The following CADM2 variants were observed in gnomAD, a reference collection of about 807,000 sequenced individuals.
CADM2 encodes the protein cell adhesion molecule 2.
In CADM2, 12 loss-of-function variants were observed where a neutral mutation model predicts 49.8. That is an observed-to-expected ratio of 0.24 (90% confidence interval 0.15 to 0.39). The LOEUF is 0.39. Among genes scored for constraint, CADM2 ranks in the 10% least tolerant of loss-of-function variants. CADM2 has a pLI of 1.00. For synonymous variants in CADM2, 214 were observed against 175.4 expected, an observed-to-expected ratio of 1.22 and a Z score of -1.74; for missense variants, 378 against 492.3, an observed-to-expected ratio of 0.77 and a Z score of 2.20.
At chr3:85,134,134 A>G (rs997045033) in intron 1 of CADM2, among the ~76,000 whole-genome samples, 48 of 152,296 alleles carry the variant, frequency 3.2e-4, no homozygotes, top group African/African-American at 1.1e-3. Flanking sequence ...TGGGGCCCGC[A>G]GGGCCGGCCG....
intron 2 of CADM2, among the ~76,000 whole-genome samples, chr3:85,737,973 C>T (rs558802773): frequency 6.6e-6 from 1 of 152,278 alleles, no homozygotes; most frequent in Non-Finnish European, 1.5e-5. Flanking sequence ...ATGGGTTAAT[C>T]ATCTGATGGG....
intron 9 of CADM2, among the ~76,000 whole-genome samples, chr3:86,066,184 G>A (rs1451623914): frequency 6.6e-6 from 1 of 151,568 alleles, no homozygotes; most frequent in Non-Finnish European, 1.5e-5. Context: ...AGTTTGACAT[G>A]ACCGTTTTTA....
chr3:85,774,878 A>G (rs1165899874), intron 2 of CADM2, among the ~76,000 whole-genome samples: 1 of 151,732 alleles, frequency 6.6e-6, no homozygotes, highest in Non-Finnish European at 1.5e-5. Flanking sequence ...TAGAACCACT[A>G]GGTTCAGTGT....
intron 1 of CADM2, among the ~76,000 whole-genome samples, chr3:85,525,913 A>G (rs946791122): frequency 6.6e-6 from 1 of 152,154 alleles, no homozygotes; most frequent in Non-Finnish European, 1.5e-5. Flanking sequence ...AAAATAACCC[A>G]CAATTTCATA....
At chr3:85,693,011 C>T (rs1192017086) in intron 1 of CADM2, among the ~76,000 whole-genome samples, 2 of 151,910 alleles carry the variant, frequency 1.3e-5, no homozygotes, top group Admixed American at 6.6e-5. Flanking sequence ...GGGCGGATCA[C>T]TAGATCAAGA....
chr3:85,522,103 A>C (rs6764988), intron 1 of CADM2, among the ~76,000 whole-genome samples: 78,283 of 151,856 alleles, frequency 0.52, 23,155 homozygotes, highest in East Asian at 0.85. Flanking sequence ...TCATCCCACT[A>C]ATCTCTTCTC....
chr3:85,423,280 T>C (rs1454024165), intron 1 of CADM2, among the ~76,000 whole-genome samples: 1 of 151,936 alleles, frequency 6.6e-6, no homozygotes, highest in Non-Finnish European at 1.5e-5. Context: ...TATGGGCACA[T>C]TATGGGCAGG....
chr3:85,874,383 C>T (rs1711536352), intron 3 of CADM2, among the ~76,000 whole-genome samples: 1 of 152,114 alleles, frequency 6.6e-6, no homozygotes, highest in Non-Finnish European at 1.5e-5. Flanking sequence ...GTTTCTCTAT[C>T]TAATGAAGGC....
intron 1 of CADM2, among the ~76,000 whole-genome samples, chr3:84,979,627 A>G (rs1287243548): frequency 6.6e-6 from 1 of 152,126 alleles, no homozygotes; most frequent in Non-Finnish European, 1.5e-5. Context: ...TCCAGGAATA[A>G]ACTTCAATAA....
intron 3 of CADM2, among the ~76,000 whole-genome samples, chr3:85,842,409 G>C (rs2108266507): frequency 6.6e-6 from 1 of 152,180 alleles, no homozygotes; most frequent in African/African-American, 2.4e-5. Context: ...AAGAAATGTT[G>C]CCATTTCAGA....
rs115515430 is a variant in CADM2, at chr3:85,008,799, G to A, written c.61+49131G>A. The stretch of plus-strand genomic sequence containing the variant: ...CATGGCATGTCATGTTTTAGTTATC[G>A]TTTTTCTCAAAAGTACAAAGAAAGG... On this transcript the variant is annotated intron_variant, in intron 1 of 9. Coordinates refer to ENST00000383699, the MANE Select transcript of CADM2 (RefSeq NM_001167675.2). Among the ~76,000 whole-genome samples the A allele has an allele frequency of 6.1e-3, 934 of 151,970 alleles. 16 individuals carry two copies. The highest frequency in any genetic ancestry group is 0.022 in the African/African-American group (894 of 41,454).
chr3:85,435,617 A>G (rs542779071), intron 1 of CADM2, among the ~76,000 whole-genome samples: 3 of 151,988 alleles, frequency 2.0e-5, no homozygotes, highest in Non-Finnish European at 4.4e-5. Flanking sequence ...GGTTGAACTA[A>G]TTCACCCTCC....
intron 1 of CADM2, among the ~76,000 whole-genome samples, chr3:85,181,933 A>G (rs2040945820): frequency 6.7e-6 from 1 of 149,404 alleles, no homozygotes; most frequent in Admixed American, 6.7e-5. Flanking sequence ...AAGAATTGAA[A>G]GAAGATATAT....
At chr3:85,524,396 C>A (rs1009772244) in intron 1 of CADM2, among the ~76,000 whole-genome samples, 1 of 151,924 alleles carries the variant, frequency 6.6e-6, no homozygotes, top group African/African-American at 2.4e-5. Context: ...ATTGTGACAC[C>A]TTGTTTTTCA....
At chr3:85,515,610 A>AATATATATATATAT (rs200627018) in intron 1 of CADM2, among the ~76,000 whole-genome samples, 7 of 113,324 alleles carry the variant, frequency 6.2e-5, no homozygotes, top group African/African-American at 2.3e-4. Flanking sequence ...CACGCCCACT[A>AATATATATATATAT]ATATATATAT....
intron 1 of CADM2, among the ~76,000 whole-genome samples, chr3:85,019,203 G>A (rs954192721): frequency 7.9e-5 from 12 of 152,212 alleles, no homozygotes; most frequent in Non-Finnish European, 1.6e-4. Flanking sequence ...AAAATGCTGG[G>A]CAGGTGTGGT....
intron 1 of CADM2, among the ~76,000 whole-genome samples, chr3:85,616,776 T>C (rs912787932): frequency 1.3e-5 from 2 of 152,152 alleles, no homozygotes; most frequent in Non-Finnish European, 2.9e-5. Flanking sequence ...TAATTGAATG[T>C]AAATATGTAT....
intron 1 of CADM2, among the ~76,000 whole-genome samples, chr3:85,552,780 G>A (rs2061845293): frequency 6.6e-6 from 1 of 151,736 alleles, no homozygotes; most frequent in Non-Finnish European, 1.5e-5. Context: ...GGGTTCAAGT[G>A]ATTTTCCTTC....
chr3:85,576,163 T>C (rs2062628089), intron 1 of CADM2, among the ~76,000 whole-genome samples: 1 of 152,222 alleles, frequency 6.6e-6, no homozygotes, highest in African/African-American at 2.4e-5. Context: ...TTATAAAAAT[T>C]AGTTATGTAA....
Sources: gnomAD v4.1 joint callset for allele counts (sites outside exome capture counted in the v4.1 genomes callset) on GRCh38, gnomAD v4.1.1 for gene constraint, MANE v1.5 for transcripts, NCBI Gene and HGNC (gene_info 2026-07-23, HGNC 2026-07-21) for gene names.